POLQ: variants seen among roughly 807,000 people sequenced by gnomAD.
POLQ encodes the protein DNA polymerase theta, also known as epididymis secretory sperm binding protein.
Under a neutral mutation model 259.2 loss-of-function variants are expected in POLQ, and 233 were observed. That is an observed-to-expected ratio of 0.90 (90% CI 0.81 to 1.00). POLQ has a LOEUF of 1.00. POLQ is among the 50% of genes least tolerant of loss of function. POLQ has a pLI of 0.00. For missense variants in POLQ, 2,871 were observed against 3,051.6 expected (o/e 0.94, Z 1.39); for synonymous variants, 1,025 against 1,048.8 (o/e 0.98, Z 0.44).
chr3:121,455,472 T>C (rs1197775381), intron 25 of POLQ, among the ~76,000 whole-genome samples: 2 of 148,640 alleles, frequency 1.3e-5, no homozygotes, highest in East Asian at 3.9e-4. Flanking sequence ...TCAACAAAAT[T>C]GATAGACTGC....
chr3:121,436,396 A>C (rs1463130578), intron 27 of POLQ, 121 bp from the exon 28 acceptor site: 1 of 807,520 alleles, frequency 1.2e-6, no homozygotes, highest in Non-Finnish European at 2.0e-6. Flanking sequence ...ACTGAGATGC[A>C]ACCCAGAACA....
At chr3:121,468,502 T>C (rs2047857176) in intron 22 of POLQ, 71 bp from the exon 23 acceptor site, 18 of 1,075,048 alleles carry the variant, frequency 1.7e-5, no homozygotes, top group Non-Finnish European at 2.5e-5. Context: ...AGTATTCACA[T>C]TTCTGGATTA....
chr3:121,455,897 A>C (rs560567454), intron 25 of POLQ, among the ~76,000 whole-genome samples: 1 of 142,408 alleles, frequency 7.0e-6, no homozygotes, highest in East Asian at 2.2e-4. Context: ...GGCCAGCATC[A>C]TCCTGATACC....
At chr3:121,457,641 T>C (rs568023731) in intron 25 of POLQ, among the ~76,000 whole-genome samples, 8 of 152,258 alleles carry the variant, frequency 5.3e-5, no homozygotes, top group African/African-American at 1.9e-4. Flanking sequence ...AAAATGCTCA[T>C]CATCACTGGC....
At chr3:121,448,883 A>G (rs960456273) in intron 26 of POLQ, among the ~76,000 whole-genome samples, 2 of 152,228 alleles carry the variant, frequency 1.3e-5, no homozygotes, top group African/African-American at 4.8e-5. Context: ...ATACCACAAC[A>G]AACAGGCAAA....
chr3:121,524,212 C>G (rs2048357029), intron 7 of POLQ, among the ~76,000 whole-genome samples: 3 of 152,124 alleles, frequency 2.0e-5, no homozygotes, highest in South Asian at 2.1e-4. Flanking sequence ...AATAAGCTAA[C>G]CCGGTGTAGA....
chr3:121,527,838 T>C (rs11717597), intron 7 of POLQ, among the ~76,000 whole-genome samples: 27,385 of 152,108 alleles, frequency 0.18, 3,280 homozygotes, highest in East Asian at 0.57. Flanking sequence ...GAAAAGTACA[T>C]AAGAAACATG....
intron 9 of POLQ, among the ~76,000 whole-genome samples, chr3:121,515,190 G>A (rs1412500368): frequency 6.6e-6 from 1 of 152,000 alleles, no homozygotes. Flanking sequence ...TTTTAGAGGT[G>A]GGATCTCTGT....
At chr3:121,543,762 T>A (rs2048507383) in intron 2 of POLQ, among the ~76,000 whole-genome samples, 1 of 152,022 alleles carries the variant, frequency 6.6e-6, no homozygotes, top group Admixed American at 6.6e-5. Context: ...GGTGCGTGGA[T>A]CACCTGAGGT....
At chr3:121,542,987 A>G (rs1465393333) in intron 2 of POLQ, among the ~76,000 whole-genome samples, 1 of 150,502 alleles carries the variant, frequency 6.6e-6, no homozygotes, top group African/African-American at 2.4e-5. Flanking sequence ...AACTCCATCA[A>G]AAAAAAAAGA....
At chr3:121,493,167 TG>T in intron 15 of POLQ, among the ~76,000 whole-genome samples, 2 of 151,838 alleles carry the variant, frequency 1.3e-5, no homozygotes, top group Non-Finnish European at 2.9e-5. Flanking sequence ...CTGGGCCTGG[TG>T]GTGGGTGCCT....
intron 22 of POLQ, among the ~76,000 whole-genome samples, chr3:121,468,775 G>A (rs2047859723): frequency 6.6e-6 from 1 of 152,068 alleles, no homozygotes; most frequent in Admixed American, 6.6e-5. Flanking sequence ...AATGAGTAAA[G>A]GCTAATCAAA....
chr3:121,502,528 G>A (rs1321340233), intron 12 of POLQ, among the ~76,000 whole-genome samples: 1 of 151,984 alleles, frequency 6.6e-6, no homozygotes, highest in Non-Finnish European at 1.5e-5. Flanking sequence ...TGAATTGTTG[G>A]GTCCATAACA....
Position 121,541,352 on chromosome 3 carries a change from GAGGTAGTA to G in POLQ, c.463_470del (p.Tyr155ProfsTer35), listed in dbSNP as rs754801539. On this transcript the variant is annotated frameshift_variant, in exon 3 of 30. Transcript: ENST00000264233. LOFTEE classifies it high-confidence loss of function. ...CAAACTTAGTAAAAAACATTACCTG[GAGGTAGTA>G]TTTCTTCTCTTTAGCCACAGAAACA... 2 of 1,594,598 alleles carry G rather than the reference GAGGTAGTA, an allele frequency of 1.3e-6. No individual in the cohort carries two copies. Among genetic ancestry groups the G allele is most frequent in the East Asian group, 4.5e-5 (2 of 44,664 alleles).
intron 25 of POLQ, among the ~76,000 whole-genome samples, chr3:121,454,502 G>A (rs2047713196): frequency 6.6e-6 from 1 of 152,106 alleles, no homozygotes; most frequent in South Asian, 2.1e-4. Context: ...CACGTGCAGA[G>A]ACACACATAG....
At chr3:121,513,876 G>A (rs1425094261) in intron 9 of POLQ, among the ~76,000 whole-genome samples, 1 of 151,536 alleles carries the variant, frequency 6.6e-6, no homozygotes, top group Non-Finnish European at 1.5e-5. Flanking sequence ...TACAAAATTA[G>A]CCAGGCATGA....
intron 25 of POLQ, among the ~76,000 whole-genome samples, chr3:121,455,806 CA>C (rs2047730963): frequency 6.6e-6 from 1 of 152,142 alleles, no homozygotes; most frequent in African/African-American, 2.4e-5. Context: ...ACCAGAGTTA[CA>C]AGGAGGAACT....
chr3:121,489,506 T>G lies in POLQ; in HGVS notation c.3425A>C (p.Gln1142Pro), dbSNP rs767282295. 6.2e-6 allele frequency: 10 copies of G among 1,613,614 alleles called. No individual in the cohort carries two copies. Among genetic ancestry groups the G allele is most frequent in the Non-Finnish European group, 6.8e-6 (8 of 1,179,556 alleles). The change falls in exon 16 of 30, where the codon CAG becomes CCG. Residue 1142 changes from glutamine (Q) to proline (P), a missense_variant. Coordinates refer to ENST00000264233, the MANE Select transcript of POLQ (RefSeq NM_199420.4). ...NFVEHIVTGS[Q>P]SKNVTCQATS... is the part of the protein sequence containing the mutation. Reference sequence around the variant, plus strand: ...GGCCTGACAAGTCACATTTTTACTCTGAGATCCTGTGACAATATGCTCCAC... The same window carrying G: ...GGCCTGACAAGTCACATTTTTACTCGGAGATCCTGTGACAATATGCTCCAC...
chr3:121,454,043 C>T (rs1025770085), intron 25 of POLQ, among the ~76,000 whole-genome samples: 5 of 152,182 alleles, frequency 3.3e-5, no homozygotes, highest in African/African-American at 1.2e-4. Context: ...TCGGCAGAAA[C>T]TCTACAAGCC....
Sources: allele counts gnomAD v4.1 joint callset (sites outside exome capture counted in the v4.1 genomes callset), GRCh38; gene constraint gnomAD v4.1.1; transcripts MANE v1.5; gene names NCBI Gene and HGNC (gene_info 2026-07-23, HGNC 2026-07-21).